Variants in CSMD1 observed in about 807,000 individuals in gnomAD.
CSMD1 encodes CUB and Sushi multiple domains 1.
A neutral mutation model predicts 417.5 loss-of-function variants in CSMD1; 213 were observed. The observed-to-expected ratio is 0.51, with a 90% CI of 0.46 to 0.57. The LOEUF (loss-of-function observed/expected upper bound fraction) is 0.57, where lower values mean the gene tolerates loss of function less well. Among genes scored for constraint, CSMD1 ranks in the 20% least tolerant of loss-of-function variants. The pLI is 0.00. For missense variants in CSMD1, 6,923 were observed against 4,529.7 expected (o/e 1.53, Z -15.17); for synonymous variants, 2,862 against 1,736.8 (o/e 1.65, Z -16.11).
chr8:3,424,009 C>G (rs1335815340), intron 12 of CSMD1, among the ~76,000 whole-genome samples: 1 of 152,138 alleles, frequency 6.6e-6, no homozygotes, highest in African/African-American at 2.4e-5. Flanking sequence ...AAAAAGTGGT[C>G]TCTCCAAGCT....
intron 5 of CSMD1, among the ~76,000 whole-genome samples, chr8:3,761,665 C>G (rs1798010439): frequency 1.3e-5 from 2 of 152,014 alleles, no homozygotes; most frequent in South Asian, 4.2e-4. Flanking sequence ...ACCACCACAC[C>G]TGGCTAATTT....
At chr8:3,788,838 T>C (rs1799580986) in intron 5 of CSMD1, among the ~76,000 whole-genome samples, 1 of 152,126 alleles carries the variant, frequency 6.6e-6, no homozygotes, top group South Asian at 2.1e-4. Context: ...ACCTTCACAC[T>C]AACATTCTGG....
intron 5 of CSMD1, among the ~76,000 whole-genome samples, chr8:3,884,383 G>C (rs1386560467): frequency 6.6e-6 from 1 of 152,130 alleles, no homozygotes; most frequent in Admixed American, 6.6e-5. Context: ...CATGGTGCTT[G>C]CCAAAAGTGG....
chr8:4,891,762 G>A (rs1488148178), intron 1 of CSMD1, among the ~76,000 whole-genome samples: 1 of 152,030 alleles, frequency 6.6e-6, no homozygotes, highest in Admixed American at 6.5e-5. Flanking sequence ...AAACTCCCTA[G>A]TTATTTCAGT....
chr8:3,634,075 T>A (rs866170264), intron 7 of CSMD1, among the ~76,000 whole-genome samples: 1 of 81,684 alleles, frequency 1.2e-5, no homozygotes, highest in East Asian at 3.6e-4. Flanking sequence ...TAGGGGGTGG[T>A]GGGGGGAGGG....
intron 1 of CSMD1, among the ~76,000 whole-genome samples, chr8:4,961,035 T>C (rs6558950): frequency 0.34 from 51,523 of 151,870 alleles, 9,758 homozygotes; most frequent in East Asian, 0.55. Context: ...AGATTCTTCC[T>C]CTTCTCACCC....
At chr8:4,706,845 G>T (rs2116844443) in intron 1 of CSMD1, among the ~76,000 whole-genome samples, 1 of 152,308 alleles carries the variant, frequency 6.6e-6, no homozygotes, top group East Asian at 1.9e-4. Context: ...TTGAGAGAAT[G>T]GGGGAAACTT....
intron 3 of CSMD1, among the ~76,000 whole-genome samples, chr8:4,096,057 T>A (rs1328617982): frequency 2.1e-5 from 2 of 93,438 alleles, no homozygotes; most frequent in African/African-American, 1.3e-4. Flanking sequence ...TTTGTTCTTG[T>A]AACTACAGTG....
intron 3 of CSMD1, among the ~76,000 whole-genome samples, chr8:4,175,902 A>C (rs1798012110): frequency 6.6e-6 from 1 of 152,134 alleles, no homozygotes; most frequent in African/African-American, 2.4e-5. Context: ...TCTAGTCCTA[A>C]TTACCACTTT....
intron 1 of CSMD1, among the ~76,000 whole-genome samples, chr8:4,709,541 G>T (rs1002645418): frequency 6.6e-6 from 1 of 152,230 alleles, no homozygotes; most frequent in Non-Finnish European, 1.5e-5. Context: ...GAGACCTCGA[G>T]GCTGGAGCCT....
At position 4,538,356 on chromosome 8, in the gene CSMD1, T is replaced by C. The variant is rs180769403; in HGVS notation, c.302+98986A>G. On this transcript the variant is annotated intron_variant, in intron 2 of 69. Coordinates refer to ENST00000635120, the MANE Select transcript of CSMD1 (RefSeq NM_033225.6). ...TCTCTTCAGGTCTAACTTTTTTTTT[T>C]AAAAGGCTGGGTGCGATGGCTTATG... Among the ~76,000 whole-genome samples, 3 of 152,048 alleles carry C rather than the reference T, an allele frequency of 2.0e-5. No individual in the cohort carries two copies. The East Asian group carries it at 5.8e-4, about 29-fold the overall frequency.
intron 1 of CSMD1, among the ~76,000 whole-genome samples, chr8:4,674,204 C>T (rs560273896): frequency 5.3e-4 from 81 of 152,064 alleles, no homozygotes; most frequent in African/African-American, 1.8e-3. Context: ...TTTGGCCATA[C>T]AATTATTTGT....
chr8:4,543,902 C>A (rs1797520942), intron 2 of CSMD1, among the ~76,000 whole-genome samples: 1 of 152,052 alleles, frequency 6.6e-6, no homozygotes, highest in Non-Finnish European at 1.5e-5. Context: ...AGCGCCTTTT[C>A]ATATGATAAT....
intron 3 of CSMD1, among the ~76,000 whole-genome samples, chr8:4,279,576 C>A (rs1222687671): frequency 6.6e-6 from 1 of 152,134 alleles, no homozygotes; most frequent in Admixed American, 6.6e-5. Flanking sequence ...TCTGCAGACA[C>A]GGTTTTATTG....
intron 5 of CSMD1, among the ~76,000 whole-genome samples, chr8:3,864,097 C>G (rs970874115): frequency 6.6e-6 from 1 of 152,008 alleles, no homozygotes; most frequent in Admixed American, 6.6e-5. Flanking sequence ...AATATTTTCA[C>G]CTGATTTTTA....
At chr8:4,697,043 G>A (rs1317010178) in intron 1 of CSMD1, among the ~76,000 whole-genome samples, 10 of 151,948 alleles carry the variant, frequency 6.6e-5, no homozygotes, top group Admixed American at 5.2e-4. Flanking sequence ...GTGGTGGTGC[G>A]TGCCTGTAAT....
intron 2 of CSMD1, among the ~76,000 whole-genome samples, chr8:4,543,695 A>C (rs927690809): frequency 2.7e-5 from 4 of 149,844 alleles, no homozygotes; most frequent in Non-Finnish European, 4.5e-5. Context: ...AAAAAAAAAA[A>C]AAAAACCCAC....
intron 7 of CSMD1, among the ~76,000 whole-genome samples, chr8:3,621,474 G>A (rs565617919): frequency 6.6e-6 from 1 of 152,276 alleles, no homozygotes; most frequent in South Asian, 2.1e-4. Context: ...GTGTTATTGT[G>A]TAAAGTACTT....
chr8:4,213,238 G>C (rs1216314641), intron 3 of CSMD1, among the ~76,000 whole-genome samples: 2 of 152,108 alleles, frequency 1.3e-5, no homozygotes, highest in Non-Finnish European at 2.9e-5. Flanking sequence ...AACCAGCTGG[G>C]TGGCTCCATT....
Sources: allele counts gnomAD v4.1 joint callset (sites outside exome capture counted in the v4.1 genomes callset), GRCh38; gene constraint gnomAD v4.1.1; transcripts MANE v1.5; gene names NCBI Gene and HGNC (gene_info 2026-07-23, HGNC 2026-07-21).